The following PALS2 variants were observed in gnomAD, a reference collection of about 807,000 sequenced individuals.
PALS2 encodes the protein protein associated with LIN7 2, MAGUK p55 family member.
In PALS2, 27 loss-of-function variants were observed where a neutral mutation model predicts 61.6. That is an observed-to-expected ratio of 0.44 (90% confidence interval 0.32 to 0.60). The LOEUF (loss-of-function observed/expected upper bound fraction) is 0.60, where lower values mean the gene tolerates loss of function less well. Ranked by LOEUF, PALS2 falls within the 20% of genes least tolerant of loss-of-function variation. PALS2 has a pLI of 0.05. For missense variants in PALS2, 554 were observed against 639.4 expected (o/e 0.87, Z 1.44); for synonymous variants, 236 against 218.6 (o/e 1.08, Z -0.70).
At chr7:24,597,007 G>T (rs1354589778) in intron 1 of PALS2, 1 of 152,144 alleles carries the variant, frequency 6.6e-6, no homozygotes, top group East Asian at 1.9e-4. Context: ...AAAAAAATTG[G>T]ATGATTCTGA....
At chr7:24,647,446 G>C (rs1166303316) in intron 3 of PALS2, among the ~76,000 whole-genome samples, 1 of 152,136 alleles carries the variant, frequency 6.6e-6, no homozygotes, top group East Asian at 1.9e-4. Context: ...ATCATATCAT[G>C]CCCAGCCTCA....
chr7:24,605,991 A>T (rs778850070), intron 1 of PALS2, among the ~76,000 whole-genome samples: 1 of 152,140 alleles, frequency 6.6e-6, no homozygotes, highest in Admixed American at 6.5e-5. Context: ...TGTCAACCCA[A>T]AGATGATCTC....
Position 24,595,733 on chromosome 7 carries a change from G to T in PALS2, c.-3+22140G>T, listed in dbSNP as rs370661531. Among the ~76,000 whole-genome samples, 15 of 150,822 alleles carry T rather than the reference G, an allele frequency of 9.9e-5. 1 individual carries two copies. The highest frequency in any genetic ancestry group is 7.4e-4 in the Admixed American group (11 of 14,926). On this transcript the variant is annotated intron_variant, in intron 1 of 11. Coordinates refer to ENST00000222644, the MANE Select transcript of PALS2 (RefSeq NM_001303037.2). ...ACTGTGATGAAAATGAAACTAAAAGGATGGAGAGTGACAAGACTGTATGTA... is the reference window on the plus strand; with the variant it reads ...ACTGTGATGAAAATGAAACTAAAAGTATGGAGAGTGACAAGACTGTATGTA...
rs1378652140 is a variant in PALS2 at position 24,687,955 on chromosome 7, T to G, written c.*341T>G. On this transcript the variant is annotated 3_prime_UTR_variant, in exon 12 of 12. Coordinates refer to ENST00000222644, the MANE Select transcript of PALS2 (RefSeq NM_001303037.2). This position sits in a 1 kb window ranked among gnomAD's most constrained non-coding sequence, Gnocchi z 4.5. ...TTCAAATCATTCACTCTAACATTGG[T>G]CTCATATTTTCACTGTGATAATGAA... The G allele has an allele frequency of 6.0e-6, 1 of 167,192 alleles. No individual in the cohort carries two copies. Among genetic ancestry groups the G allele is most frequent in the Non-Finnish European group, 1.3e-5 (1 of 78,464 alleles). 10.4% of individuals were successfully genotyped at this position (167,192 alleles called of 1,614,324 possible).
intron 5 of PALS2, among the ~76,000 whole-genome samples, chr7:24,657,158 G>A (rs1345634912): frequency 6.6e-6 from 1 of 151,954 alleles, no homozygotes; most frequent in Non-Finnish European, 1.5e-5. Context: ...ACATTTTTTT[G>A]TTACCAGTAT....
chr7:24,641,307 C>A (rs1052049772), intron 2 of PALS2, among the ~76,000 whole-genome samples: 1 of 151,622 alleles, frequency 6.6e-6, no homozygotes, highest in Admixed American at 6.6e-5. Context: ...TATTACATTC[C>A]TATTCCTTGT....
intron 3 of PALS2, among the ~76,000 whole-genome samples, chr7:24,648,361 C>T (rs1275237015): frequency 7.6e-5 from 11 of 145,614 alleles, no homozygotes; most frequent in African/African-American, 2.8e-4. Flanking sequence ...GGTGCAATCT[C>T]GGCTCACTGC....
In PALS2 at chr7:24,681,771, C is replaced by G. The variant is rs116210983; in HGVS notation, c.1446+1251C>G. 9.9e-3 allele frequency among the ~76,000 whole-genome samples: 1,507 copies of G among 152,124 alleles called. 18 individuals are homozygous for G. Among genetic ancestry groups the G allele is most frequent in the African/African-American group, 0.034 (1,399 of 41,474 alleles). On this transcript the variant is annotated intron_variant, in intron 11 of 11. Coordinates refer to ENST00000222644, the MANE Select transcript of PALS2 (RefSeq NM_001303037.2). Reference sequence around the variant, plus strand: ...CATCTCCACACATTCGCCTGTGCTCCTTTGTAACCTGCTCCCCACACCCTT... The same window carrying G: ...CATCTCCACACATTCGCCTGTGCTCGTTTGTAACCTGCTCCCCACACCCTT...
intron 9 of PALS2, among the ~76,000 whole-genome samples, chr7:24,671,924 C>T (rs937619278): frequency 4.0e-5 from 6 of 151,826 alleles, no homozygotes; most frequent in South Asian, 4.2e-4. Context: ...GCCAGTCCCA[C>T]ATTGTCTCGA....
rs528862566 is a variant in PALS2, at chr7:24,652,521, C to T, written c.651+1809C>T. Among the ~76,000 whole-genome samples the T allele has an allele frequency of 2.6e-5, 4 of 151,864 alleles. No individual in the cohort carries two copies. The South Asian group carries it at 6.2e-4, about 24-fold the overall frequency. On this transcript the variant is annotated intron_variant, in intron 5 of 11. Coordinates refer to ENST00000222644, the MANE Select transcript of PALS2 (RefSeq NM_001303037.2). ...CTTATAAGTCCGAGGTAGCCTGAGG[C>T]GTGTCCTCCCATAAAGAAGTAAAGA... is the stretch of plus-strand genomic sequence containing the variant.
In PALS2 at chr7:24,577,822, T is replaced by G. The variant is rs190683230; in HGVS notation, c.-3+4229T>G. Among the ~76,000 whole-genome samples the G allele has an allele frequency of 1.7e-3, 256 of 152,322 alleles. 2 individuals carry two copies. Among genetic ancestry groups the G allele is most frequent in the Non-Finnish European group, 2.9e-4 (20 of 68,026 alleles). On this transcript the variant is annotated intron_variant, in intron 1 of 11. Transcript: ENST00000222644. Reference sequence around the variant, plus strand: ...CTCATCCCCCTCAATCCCATTACCTTTTTTACTTAAAAATTTCTTCAAACC... The same window carrying G: ...CTCATCCCCCTCAATCCCATTACCTGTTTTACTTAAAAATTTCTTCAAACC...
At chr7:24,669,872 C>G (rs1199085285) in intron 9 of PALS2, among the ~76,000 whole-genome samples, 1 of 152,180 alleles carries the variant, frequency 6.6e-6, no homozygotes, top group Non-Finnish European at 1.5e-5. Flanking sequence ...TCACTGTAAT[C>G]AACGTATGTT....
At chr7:24,606,518 CAGAAAG>C (rs1783905084) in intron 1 of PALS2, among the ~76,000 whole-genome samples, 1 of 140,442 alleles carries the variant, frequency 7.1e-6, no homozygotes, top group Admixed American at 7.0e-5. Flanking sequence ...AAAAATTAGT[CAGAAAG>C]AGATGGTTGA....
intron 10 of PALS2, among the ~76,000 whole-genome samples, chr7:24,679,788 C>T (rs368931584): frequency 1.3e-5 from 2 of 152,160 alleles, no homozygotes; most frequent in African/African-American, 4.8e-5. Context: ...CTCAGCCCAA[C>T]CTCACGTCCC....
intron 2 of PALS2, among the ~76,000 whole-genome samples, chr7:24,632,540 C>T (rs1197853364): frequency 6.6e-6 from 1 of 152,098 alleles, no homozygotes; most frequent in East Asian, 1.9e-4. Flanking sequence ...GCTGGGATTA[C>T]AGGCACGCCC....
chr7:24,648,025 T>A (rs1408114504), intron 3 of PALS2, among the ~76,000 whole-genome samples: 1 of 152,162 alleles, frequency 6.6e-6, no homozygotes, highest in African/African-American at 2.4e-5. Flanking sequence ...GCAGCGCAGG[T>A]TAGCAACTTC....
At chr7:24,638,317 A>ATTTTTTTTTTTTTTTTTTT (rs1562631729) in intron 2 of PALS2, among the ~76,000 whole-genome samples, 2 of 14,252 alleles carry the variant, frequency 1.4e-4, no homozygotes, top group Admixed American at 6.6e-4. Flanking sequence ...CAATTTCTGT[A>ATTTTTTTTTTTTTTTTTTT]TTTTCTTTTT....
intron 11 of PALS2, among the ~76,000 whole-genome samples, chr7:24,685,655 T>G (rs865846388): frequency 0.016 from 2,441 of 151,868 alleles, 78 homozygotes; most frequent in African/African-American, 0.056. Flanking sequence ...GGGTTTTTTT[T>G]TTTTTTTTTT....
intron 1 of PALS2, among the ~76,000 whole-genome samples, chr7:24,579,545 T>C (rs1389776535): frequency 6.6e-6 from 1 of 152,178 alleles, no homozygotes; most frequent in Non-Finnish European, 1.5e-5. Context: ...GGTATTTAGT[T>C]ACCCCTTTCC....
Sources: gnomAD v4.1 joint callset for allele counts (sites outside exome capture counted in the v4.1 genomes callset) on GRCh38, gnomAD v4.1.1 for gene constraint, Gnocchi (gnomAD v3.1) non-coding constraint, MANE v1.5 for transcripts, NCBI Gene and HGNC (gene_info 2026-07-23, HGNC 2026-07-21) for gene names.